The following TENM1 variants were observed in gnomAD, a reference collection of about 807,000 sequenced individuals.
TENM1 encodes the protein teneurin-1.
In TENM1, 35 loss-of-function variants were observed where a neutral mutation model predicts 174.8. That is an observed-to-expected ratio of 0.20 (90% CI 0.15 to 0.27). The LOEUF (loss-of-function observed/expected upper bound fraction) is 0.27. Among genes scored for constraint, TENM1 ranks in the 10% least tolerant of loss-of-function variants. The pLI is 1.00. For missense variants in TENM1, 1,633 were observed against 2,130.1 expected, an observed-to-expected ratio of 0.77 and a Z score of 4.59; for synonymous variants, 781 against 798.7, an observed-to-expected ratio of 0.98 and a Z score of 0.37.
At chrX:125,200,652 TGTGAGAGAGA>T in the TENM1 span, among the ~76,000 whole-genome samples, 3 of 81,340 alleles carry the variant, frequency 3.7e-5, no homozygotes, top group African/African-American at 1.1e-4. Flanking sequence ...TGTGTGTGTG[TGTGAGAGAGA>T]GAGAGAGAGA....
Position 124,540,156 on chromosome X carries a change from A to G in TENM1, c.2651+6718T>C, listed in dbSNP as rs534311945. Among the ~76,000 whole-genome samples, 12 of 112,138 alleles carry G rather than the reference A, an allele frequency of 1.1e-4. No homozygotes were observed. In the South Asian group the frequency reaches 4.1e-3, roughly 38 times the overall value. On this transcript the variant is annotated intron_variant, in intron 15 of 31. Transcript: ENST00000422452. ...TGTTTTGACTGCTTCTGCCACTACA[A>G]TGTAAACTCTGAATAAGGGGACTGT... is the stretch of plus-strand genomic sequence containing the variant.
chrX:124,482,916 C>T (rs1351856888), intron 21 of TENM1, among the ~76,000 whole-genome samples: 1 of 112,169 alleles, frequency 8.9e-6, no homozygotes, highest in African/African-American at 3.2e-5. Context: ...TCCCTAATCC[C>T]TCTTTTGCTC....
intron 27 of TENM1, among the ~76,000 whole-genome samples, chrX:124,404,039 C>A (rs746598160): frequency 8.9e-6 from 1 of 112,171 alleles, no homozygotes; most frequent in East Asian, 2.8e-4. Flanking sequence ...CAAGTGTGCA[C>A]TCACCATTGC....
chrX:124,955,249 T>G (rs1396663505), intron 1 of TENM1, among the ~76,000 whole-genome samples: 1 of 111,310 alleles, frequency 9.0e-6, no homozygotes, highest in Non-Finnish European at 1.9e-5. Context: ...CCAAGGATAT[T>G]TTTTTTAAAT....
chrX:124,801,691 T>G (rs575069754), intron 3 of TENM1, among the ~76,000 whole-genome samples: 1 of 111,932 alleles, frequency 8.9e-6, no homozygotes, highest in East Asian at 2.8e-4. Flanking sequence ...CATTGGCCTT[T>G]ATATTTTGGT....
chrX:125,106,268 G>T, the TENM1 span, among the ~76,000 whole-genome samples: 28 of 111,949 alleles, frequency 2.5e-4, no homozygotes, highest in African/African-American at 8.1e-4. Flanking sequence ...TTACGTATTT[G>T]TTTGTATATT....
At chrX:124,996,870 T>G in the TENM1 span, among the ~76,000 whole-genome samples, 3 of 111,309 alleles carry the variant, frequency 2.7e-5, no homozygotes, top group Non-Finnish European at 5.7e-5. Context: ...ATGTGAAACA[T>G]TTATCAACTA....
At chrX:124,962,742 T>A (rs1369056291) in intron 1 of TENM1, among the ~76,000 whole-genome samples, 1 of 110,589 alleles carries the variant, frequency 9.0e-6, no homozygotes, top group Non-Finnish European at 1.9e-5. Context: ...CGCTTGAACC[T>A]GGGAGGTGGA....
At chrX:124,917,236 A>T (rs1287221251) in intron 1 of TENM1, among the ~76,000 whole-genome samples, 2 of 111,718 alleles carry the variant, frequency 1.8e-5, no homozygotes, top group Non-Finnish European at 3.8e-5. Flanking sequence ...GAGTCTTGAC[A>T]GTTTTCCAGT....
the TENM1 span, among the ~76,000 whole-genome samples, chrX:125,181,676 A>C: frequency 9.0e-6 from 1 of 111,636 alleles, no homozygotes; most frequent in Non-Finnish European, 1.9e-5. Flanking sequence ...GGACAAGGGG[A>C]TAGGAGGAGG....
At chrX:124,419,791 A>G (rs1214191602) in intron 25 of TENM1, among the ~76,000 whole-genome samples, 1 of 111,445 alleles carries the variant, frequency 9.0e-6, no homozygotes, top group African/African-American at 3.3e-5. Context: ...GCCCCACATA[A>G]TTCTTCTCTT....
rs185413530 is a variant in TENM1 at position 124,473,999 on chromosome X, A to G, written c.3949+7733T>C. Among the ~76,000 whole-genome samples, 754 of 111,073 alleles carry G rather than the reference A, an allele frequency of 6.8e-3. 7 individuals carry two copies. Among genetic ancestry groups the G allele is most frequent in the African/African-American group, 0.023 (704 of 30,544 alleles). On this transcript the variant is annotated intron_variant, in intron 22 of 31. Coordinates refer to ENST00000422452, the Ensembl canonical transcript of TENM1. ...GGGGTCGGCTAGTCAAATCACATAC[A>G]ACATGTGAATTCCATCCTACCTTGA...
chrX:125,201,578 T>C, the TENM1 span, among the ~76,000 whole-genome samples: 2 of 112,238 alleles, frequency 1.8e-5, no homozygotes, highest in African/African-American at 6.5e-5. Flanking sequence ...CTACTAGTTT[T>C]ATTATGAAAA....
chrX:124,385,996 G>C lies in TENM1; in HGVS notation c.5757C>G (p.Leu1919=), dbSNP rs373097094. The change falls in exon 29 of 32, where the codon CTC becomes CTG. Residue 1919 remains leucine, a synonymous_variant. Transcript: ENST00000422452. ...GCACCATGCTAGGCATGGTGACTGA[G>C]AGCAGACAATCTGGTTGGTCATACT... 24 of 1,207,302 alleles carry C rather than the reference G, an allele frequency of 2.0e-5. No homozygotes were observed. In the African/African-American group the frequency reaches 2.8e-4, roughly 14 times the overall value.
At chrX:124,956,454 G>GGGA (rs2058575595) in intron 1 of TENM1, among the ~76,000 whole-genome samples, 1 of 111,970 alleles carries the variant, frequency 8.9e-6, no homozygotes, top group Admixed American at 9.5e-5. Context: ...GTCTCAACAG[G>GGGA]GGAAAGAGCA....
chrX:125,136,453 A>G, the TENM1 span, among the ~76,000 whole-genome samples: 1 of 112,034 alleles, frequency 8.9e-6, no homozygotes, highest in Non-Finnish European at 1.9e-5. Flanking sequence ...TATTATTTTA[A>G]CTATTTCATG....
chrX:124,866,424 G>T (rs1385826669), intron 3 of TENM1, among the ~76,000 whole-genome samples: 1 of 111,694 alleles, frequency 9.0e-6, no homozygotes, highest in African/African-American at 3.2e-5. Context: ...GGTCAATGGA[G>T]AAATTAATAA....
At chrX:124,495,102 T>C (rs1418394464) in intron 20 of TENM1, among the ~76,000 whole-genome samples, 2 of 106,981 alleles carry the variant, frequency 1.9e-5, no homozygotes, top group Non-Finnish European at 3.8e-5. Context: ...ACTTCCATAA[T>C]GGTTGAACTA....
intron 1 of TENM1, among the ~76,000 whole-genome samples, chrX:124,923,736 G>A (rs1351655482): frequency 2.7e-5 from 3 of 111,956 alleles, no homozygotes; most frequent in East Asian, 2.8e-4. Context: ...AATGTATGAC[G>A]GGGAAGATGG....
Sources: gnomAD v4.1 joint callset for allele counts (sites outside exome capture counted in the v4.1 genomes callset) on GRCh38, gnomAD v4.1.1 for gene constraint, MANE v1.5 for transcripts, NCBI Gene and HGNC (gene_info 2026-07-23, HGNC 2026-07-21) for gene names.